Variants in SNX9 observed in about 807,000 individuals in gnomAD.
SNX9 encodes sorting nexin 9.
SNX9 carries 44 observed loss-of-function variants against 89.4 expected under a neutral mutation model. That is an observed-to-expected ratio of 0.49 (90% CI 0.39 to 0.63). SNX9 has a LOEUF of 0.63. SNX9 is among the 30% of genes least tolerant of loss of function. SNX9 has a pLI of 0.00. For synonymous variants in SNX9, 236 were observed against 247.8 expected (o/e 0.95, Z 0.45); for missense variants, 578 against 736.1 (o/e 0.79, Z 2.49).
chr6:157,928,930 T>C (rs1435246024), intron 12 of SNX9, among the ~76,000 whole-genome samples: 4 of 152,232 alleles, frequency 2.6e-5, no homozygotes. Context: ...CCACGTTCAC[T>C]TAATTAGTTC....
intron 9 of SNX9, among the ~76,000 whole-genome samples, chr6:157,915,630 A>AAG (rs1783445097): frequency 1.3e-5 from 1 of 76,222 alleles, no homozygotes; most frequent in African/African-American, 6.0e-5. Flanking sequence ...TACTAAAAAA[A>AAG]AAAAAAAAAA....
intron 13 of SNX9, 68 bp from the exon 14 acceptor site, chr6:157,935,896 T>C: frequency 1.8e-6 from 2 of 1,130,378 alleles, no homozygotes; most frequent in African/African-American, 1.6e-5. Flanking sequence ...AAATCAATAA[T>C]AAAATTTTAA....
intron 1 of SNX9, among the ~76,000 whole-genome samples, chr6:157,852,375 A>G (rs1781930641): frequency 6.6e-6 from 1 of 152,184 alleles, no homozygotes; most frequent in Non-Finnish European, 1.5e-5. Flanking sequence ...GCTTTGCATT[A>G]GGCCATGGTT....
At chr6:157,914,798 C>A (rs1054429527) in intron 9 of SNX9, among the ~76,000 whole-genome samples, 3 of 152,106 alleles carry the variant, frequency 2.0e-5, no homozygotes, top group African/African-American at 7.2e-5. Context: ...TTAACAGTGT[C>A]TTTTGCATAA....
At chr6:157,880,848 G>A (rs1782608709) in intron 4 of SNX9, among the ~76,000 whole-genome samples, 1 of 152,196 alleles carries the variant, frequency 6.6e-6, no homozygotes, top group Non-Finnish European at 1.5e-5. Context: ...GTGAATCAGG[G>A]TAAGCTGCTT....
intron 5 of SNX9, 139 bp from the exon 6 acceptor site, chr6:157,901,759 T>C: frequency 1.1e-6 from 1 of 899,288 alleles, no homozygotes; most frequent in South Asian, 1.8e-5. Flanking sequence ...CATATTATAC[T>C]CCTATACTAT....
intron 4 of SNX9, among the ~76,000 whole-genome samples, chr6:157,878,342 T>C (rs187704736): frequency 6.2e-4 from 94 of 152,342 alleles, no homozygotes; most frequent in African/African-American, 2.2e-3. Context: ...AACAGTTTGA[T>C]TTGGAAAATT....
chr6:157,923,446 T>G (rs562494385), intron 10 of SNX9, among the ~76,000 whole-genome samples: 1 of 151,044 alleles, frequency 6.6e-6, no homozygotes, highest in African/African-American at 2.4e-5. Context: ...AAATAACCTG[T>G]CATTTACAGT....
chr6:157,876,351 C>T (rs1782521308), intron 4 of SNX9, among the ~76,000 whole-genome samples: 1 of 152,184 alleles, frequency 6.6e-6, no homozygotes, highest in Non-Finnish European at 1.5e-5. Flanking sequence ...GCTCGGGGGG[C>T]TGAAGCAGGA....
chr6:157,843,870 G>GTT (rs1781749860), intron 1 of SNX9, among the ~76,000 whole-genome samples: 4 of 131,408 alleles, frequency 3.0e-5, no homozygotes, highest in African/African-American at 6.1e-5. Context: ...TTTCCCATTT[G>GTT]TCTTTTTTTT....
Position 157,890,193 on chromosome 6 carries a change from A to T in SNX9, c.301-6634A>T, listed in dbSNP as rs56099739. Among the ~76,000 whole-genome samples, 284 of 152,232 alleles carry T rather than the reference A, an allele frequency of 1.9e-3. 1 individual carries two copies. The highest frequency in any genetic ancestry group is 3.4e-3 in the Middle Eastern group (1 of 294). On this transcript the variant is annotated intron_variant, in intron 4 of 17. Coordinates refer to ENST00000392185, the MANE Select transcript of SNX9 (RefSeq NM_016224.5). Reference sequence around the variant, plus strand: ...CTTGCCCCTTTTTATCCCATATTGTATATTTGTACCATGTGCAGCTTTCCT... The same window carrying T: ...CTTGCCCCTTTTTATCCCATATTGTTTATTTGTACCATGTGCAGCTTTCCT...
intron 16 of SNX9, among the ~76,000 whole-genome samples, chr6:157,939,472 G>A (rs2364350): frequency 0.096 from 14,661 of 152,254 alleles, 753 homozygotes; most frequent in African/African-American, 0.12. Flanking sequence ...TGGTTATGGA[G>A]GGGAGATTGG....
intron 4 of SNX9, among the ~76,000 whole-genome samples, chr6:157,894,106 C>CTTTTCTTTTTT (rs1484938597): frequency 8.9e-5 from 8 of 89,564 alleles, no homozygotes; most frequent in African/African-American, 3.6e-4. Flanking sequence ...CTTTTCTTTT[C>CTTTTCTTTTTT]TTTTTTTTTT....
rs754286836 is a variant in SNX9, at chr6:157,873,148, G to T, written c.146G>T (p.Arg49Leu). 6.2e-7 allele frequency: 1 copy of T among 1,601,800 alleles called. No homozygotes were observed. The highest frequency in any genetic ancestry group is 8.5e-7 in the Non-Finnish European group (1 of 1,173,746). ...WLEGRNIKGE[R>L]GLVPTDYVEI... ...GAAGGAAGAAACATCAAAGGAGAACGAGGGCTGGTTCCCACAGACTACGTT... is the reference window on the plus strand; with the variant it reads ...GAAGGAAGAAACATCAAAGGAGAACTAGGGCTGGTTCCCACAGACTACGTT... Residue 49 changes from arginine (R) to leucine (L), a missense_variant, in exon 3 of 18, where the codon CGA becomes CTA. Arg to Leu is a moderately radical substitution (Grantham distance 102). Around this residue, in one of 2 missense-constraint regions of SNX9, gnomAD observed 230 missense variants for 244.7 expected, o/e 0.94. Transcript: ENST00000392185.
At chr6:157,849,004 T>A (rs988979673) in intron 1 of SNX9, among the ~76,000 whole-genome samples, 1 of 152,148 alleles carries the variant, frequency 6.6e-6, no homozygotes, top group Non-Finnish European at 1.5e-5. Flanking sequence ...CCCAGTACTT[T>A]GAGAGACCGC....
At chr6:157,935,554 C>A (rs1276488521) in intron 13 of SNX9, among the ~76,000 whole-genome samples, 1 of 152,180 alleles carries the variant, frequency 6.6e-6, no homozygotes, top group Admixed American at 6.5e-5. Context: ...GGAGAAGAAT[C>A]CACAGAGTTA....
chr6:157,845,023 T>A (rs1259386326), intron 1 of SNX9, among the ~76,000 whole-genome samples: 1 of 152,058 alleles, frequency 6.6e-6, no homozygotes, highest in Non-Finnish European at 1.5e-5. Context: ...TTAGATCTCC[T>A]TCATTGTCTC....
rs1036127030 is a variant in SNX9, at chr6:157,921,786, A to G, written c.1080+125A>G. On this transcript the variant is annotated intron_variant, in intron 10 of 17. Transcript: ENST00000392185. Reference sequence around the variant, plus strand: ...TTTCTCACTTCCTCCAGTGACAGTGAGGGGACAGAAACCTAAATCCCCACC... The same window carrying G: ...TTTCTCACTTCCTCCAGTGACAGTGGGGGGACAGAAACCTAAATCCCCACC... 5.3e-6 allele frequency: 6 copies of G among 1,130,416 alleles called. No homozygotes were observed. In the Admixed American group the frequency reaches 1.6e-4, roughly 30 times the overall value. 70.0% of individuals were successfully genotyped at this position (1,130,416 alleles called of 1,614,324 possible). A position where few individuals can be genotyped will look rare whatever the true frequency, so the allele number is the denominator to read the frequency against.
intron 1 of SNX9, among the ~76,000 whole-genome samples, chr6:157,858,392 A>T (rs991764589): frequency 4.6e-5 from 7 of 151,344 alleles, no homozygotes; most frequent in African/African-American, 1.7e-4. Context: ...GATTACAGGG[A>T]CGTATGTTTA....
Sources: allele counts gnomAD v4.1 joint callset (sites outside exome capture counted in the v4.1 genomes callset), GRCh38; gene constraint gnomAD v4.1.1; regional missense constraint gnomAD v4.1.1; transcripts MANE v1.5; gene names NCBI Gene and HGNC (gene_info 2026-07-23, HGNC 2026-07-21).